SPRED3: variants seen among roughly 807,000 people sequenced by gnomAD.
SPRED3 encodes sprouty-related, EVH1 domain-containing protein 3.
A neutral mutation model predicts 37.6 loss-of-function variants in SPRED3; 23 were observed. The observed-to-expected ratio is 0.61, with a 90% confidence interval of 0.44 to 0.87. The LOEUF is 0.87. SPRED3 is among the 40% of genes least tolerant of loss of function. SPRED3 has a pLI of 0.00. For missense variants in SPRED3, 584 were observed against 618.6 expected, an observed-to-expected ratio of 0.94 and a Z score of 0.59; for synonymous variants, 302 against 279.6, an observed-to-expected ratio of 1.08 and a Z score of -0.80.
At position 38,392,044 on chromosome 19, in the gene SPRED3, G is replaced by T. The variant is rs370882193; in HGVS notation, c.276G>T (p.Thr92=). ...TGGGTGACTGCAAGTTTGGACTGAC[G>T]TTTCAGAGCCCTGCAGAGGCTGATG... is the stretch of plus-strand genomic sequence containing the variant. The part of the protein sequence containing the change: ...WSLGDCKFGL[T]FQSPAEADEF... Residue 92 remains threonine, a synonymous_variant, in exon 3 of 6, where the codon ACG becomes ACT. Transcript: ENST00000691638. The T allele has an allele frequency of 6.2e-7, 1 of 1,614,186 alleles. No individual in the cohort carries two copies.
rs1447214197 is a variant in SPRED3 at position 38,398,115 on chromosome 19, T to C, written c.*1970T>C. The C allele has an allele frequency of 6.6e-6, 1 of 152,194 alleles. No homozygotes were observed. Among genetic ancestry groups the C allele is most frequent in the African/African-American group, 2.4e-5 (1 of 41,446 alleles). The allele number at this position is 152,194 out of a possible 1,614,324, so 9.4% of individuals were successfully genotyped here. ...TTTCAGGCTAGTTATGGCTCTGCTG[T>C]CCCACAGCCCCCAGTCTTGCAGACC... is the stretch of plus-strand genomic sequence containing the variant. On this transcript the variant is annotated 3_prime_UTR_variant, in exon 6 of 6. Coordinates refer to ENST00000691638, the MANE Select transcript of SPRED3 (RefSeq NM_001394336.1).
In SPRED3 at chr19:38,388,729, G is replaced by A. The variant is rs1970780575; in HGVS notation, c.-83G>A. On this transcript the variant is annotated 5_prime_UTR_variant, in exon 1 of 6. Transcript: ENST00000691638. ...GGTGCCCGTCTCCAGCGCCGCCGGA[G>A]CCAGCCAGGGAGCCGGAACGAAAAG... 2 of 395,800 alleles carry A rather than the reference G, an allele frequency of 5.1e-6. No individual in the cohort carries two copies. Among genetic ancestry groups the A allele is most frequent in the Non-Finnish European group, 8.9e-6 (2 of 224,834 alleles). The allele number at this position is 395,800 out of a possible 1,614,324, so 24.5% of individuals were successfully genotyped here. A position where few individuals can be genotyped will look rare whatever the true frequency, so the allele number is the denominator to read the frequency against.
rs1326265736 is a variant in SPRED3 at position 38,391,971 on chromosome 19, C to T, written c.203C>T (p.Pro68Leu). ...QKTTLECTLKPGLVYNKVNPI... is the reference protein window; with the variant it reads ...QKTTLECTLKLGLVYNKVNPI... ...ACAACCTTGGAGTGTACACTGAAGC[C>T]AGGCTTGGTTTACAACAAGGTGAAT... Residue 68 changes from proline (P) to leucine (L), a missense_variant, in exon 3 of 6, where the codon CCA becomes CTA. This residue lies in a region of SPRED3 where 88 missense variants were observed against 77.0 expected (regional missense o/e 1.14). Coordinates refer to ENST00000691638, the MANE Select transcript of SPRED3 (RefSeq NM_001394336.1). 2 of 1,614,118 alleles carry T rather than the reference C, an allele frequency of 1.2e-6. No individual in the cohort carries two copies. The highest frequency in any genetic ancestry group is 2.2e-5 in the South Asian group (2 of 91,078).
Position 38,390,433 on chromosome 19 carries a change from G to T in SPRED3, c.131G>T (p.Arg44Leu), listed in dbSNP as rs760297394. The T allele has an allele frequency of 1.4e-5, 20 of 1,401,732 alleles. No individual in the cohort carries two copies. The highest frequency in any genetic ancestry group is 1.8e-5 in the Non-Finnish European group (19 of 1,074,906). 86.8% of individuals were successfully genotyped at this position (1,401,732 alleles called of 1,614,324 possible). A position where few individuals can be genotyped will look rare whatever the true frequency, so the allele number is the denominator to read the frequency against. The change falls in exon 2 of 6, where the codon CGC becomes CTC. Residue 44 changes from arginine to leucine, a missense_variant. Physicochemically the swap from Arg to Leu is moderately radical, Grantham distance 102. Transcript: ENST00000691638. ...VRGARPEGGA[R>L]QGHYVIHGER... Reference sequence around the variant, plus strand: ...GGGGCCAGGCCCGAGGGGGGGGCCCGCCAGGGGCACTACGTCATCCACGGG... The same window carrying T: ...GGGGCCAGGCCCGAGGGGGGGGCCCTCCAGGGGCACTACGTCATCCACGGG...
rs1970878441 is a variant in SPRED3 at position 38,395,064 on chromosome 19, G to C, written c.567+278G>C. On this transcript the variant is annotated intron_variant, in intron 5 of 5. Transcript: ENST00000691638. This position sits in a 1 kb window ranked among gnomAD's most constrained non-coding sequence, Gnocchi z 5.2. ...AGAGAGGTTTAGGACCATTTTCAGA[G>C]TGTATATTTGGGGAACTCCTGGAAG... Among the ~76,000 whole-genome samples, 1 of 152,182 alleles carries C rather than the reference G, an allele frequency of 6.6e-6. No individual in the cohort carries two copies. The highest frequency in any genetic ancestry group is 1.5e-5 in the Non-Finnish European group (1 of 68,040).
Position 38,395,517 on chromosome 19 carries a change from A to G in SPRED3, c.605A>G (p.Glu202Gly). The change falls in exon 6 of 6, where the codon GAA becomes GGA. Residue 202 changes from glutamate (E) to glycine (G), a missense_variant. By Grantham distance (98) the Glu-to-Gly change is moderately conservative. This residue lies in a region of SPRED3 where 310 missense variants were observed against 281.1 expected (regional missense o/e 1.10). Transcript: ENST00000691638. This position sits in a 1 kb window ranked among gnomAD's most constrained non-coding sequence, Gnocchi z 5.2. ...CTTCTACCGTTCACGGGGATTCCGG[A>G]ACCCTCAGAGCCCCTGGCAGGGGCA... ...PPLLPFTGIP[E>G]PSEPLAGAGG... 1.3e-6 allele frequency: 2 copies of G among 1,528,112 alleles called. No individual in the cohort carries two copies. Among genetic ancestry groups the G allele is most frequent in the Non-Finnish European group, 1.7e-6 (2 of 1,143,050 alleles). 94.7% of individuals were successfully genotyped at this position (1,528,112 alleles called of 1,614,324 possible). A position where few individuals can be genotyped will look rare whatever the true frequency, so the allele number is the denominator to read the frequency against.
intron 1 of SPRED3, 198 bp from the exon 2 acceptor site, chr19:38,390,101 T>C (rs537485836): frequency 9.6e-6 from 4 of 415,018 alleles, no homozygotes; most frequent in African/African-American, 8.3e-5. Context: ...AGAGAAGAGA[T>C]GGCATGAGGA....
Position 38,391,972 on chromosome 19 carries a change from A to C in SPRED3, c.204A>C (p.Pro68=), listed in dbSNP as rs762358721. The change falls in exon 3 of 6, where the codon CCA becomes CCC. Residue 68 remains proline, a synonymous_variant. Coordinates refer to ENST00000691638, the MANE Select transcript of SPRED3 (RefSeq NM_001394336.1). ...CAACCTTGGAGTGTACACTGAAGCC[A>C]GGCTTGGTTTACAACAAGGTGAATC... ...QKTTLECTLK[P]GLVYNKVNPI... is the part of the protein sequence containing the mutation. 57 of 1,614,032 alleles carry C rather than the reference A, an allele frequency of 3.5e-5. No individual in the cohort carries two copies. Among genetic ancestry groups the C allele is most frequent in the Middle Eastern group, 1.6e-4 (1 of 6,084 alleles).
At chr19:38,394,886 T>C in intron 5 of SPRED3, 100 bp downstream of exon 5, 1 of 1,393,690 alleles carries the variant, frequency 7.2e-7, no homozygotes. Context: ...GAACACAGAT[T>C]CCAGGGGATG....
At chr19:38,393,095 A>G (rs1600515775) in intron 4 of SPRED3, among the ~76,000 whole-genome samples, 1 of 151,892 alleles carries the variant, frequency 6.6e-6, no homozygotes, top group Admixed American at 6.6e-5. Context: ...CGTGGCAGGC[A>G]CAGCCCTGCC....
chr19:38,395,708 G>A lies in SPRED3; in HGVS notation c.796G>A (p.Ala266Thr). 4 of 1,457,264 alleles carry A rather than the reference G, an allele frequency of 2.7e-6. No individual in the cohort carries two copies. The highest frequency in any genetic ancestry group is 1.8e-6 in the Non-Finnish European group (2 of 1,115,490). 90.3% of individuals were successfully genotyped at this position (1,457,264 alleles called of 1,614,324 possible). ...AALPAPLTEA[A>T]PPAPPARPPP... ...ACTACCTGCCCCTTTGACCGAGGCT[G>A]CGCCCCCAGCGCCCCCCGCTCGCCC... is the stretch of plus-strand genomic sequence containing the variant. Residue 266 changes from alanine (A) to threonine (T), a missense_variant, in exon 6 of 6, where the codon GCG (alanine) becomes ACG (threonine). Ala to Thr is a moderately conservative substitution (Grantham distance 58). Transcript: ENST00000691638. This position sits in a 1 kb window ranked among gnomAD's most constrained non-coding sequence, Gnocchi z 5.2.
At chr19:38,388,908 C>T (rs1970784694) in intron 1 of SPRED3, 101 bp downstream of exon 1, 1 of 394,534 alleles carries the variant, frequency 2.5e-6, no homozygotes, top group Non-Finnish European at 4.5e-6. Flanking sequence ...CCCAGGCGCC[C>T]CCAAGGCCCC....
In SPRED3 at chr19:38,398,236, T is replaced by TTATTTATTTATC. The variant is rs1471236939; in HGVS notation, c.*2102_*2103insCTATTTATTTAT. ...ACCCCTTCTCTTCCTATTTATTTAT[T>TTATTTATTTATC]TATTTATTTATTTATTTTGAGACAG... On this transcript the variant is annotated 3_prime_UTR_variant, in exon 6 of 6. Transcript: ENST00000691638. The TTATTTATTTATC allele has an allele frequency of 6.6e-6, 1 of 152,124 alleles. No individual in the cohort carries two copies. The highest frequency in any genetic ancestry group is 1.5e-5 in the Non-Finnish European group (1 of 68,092). The allele number at this position is 152,124 out of a possible 1,614,324, so 9.4% of individuals were successfully genotyped here.
At chr19:38,394,262 G>T (rs1203201515) in intron 4 of SPRED3, 30 of 1,382,614 alleles carry the variant, frequency 2.2e-5, no homozygotes, top group Non-Finnish European at 2.8e-5. Flanking sequence ...AGGGGAGAGG[G>T]ATTCTGAGAA....
intron 4 of SPRED3, among the ~76,000 whole-genome samples, chr19:38,394,127 A>G (rs1033400883): frequency 3.3e-5 from 5 of 152,222 alleles, no homozygotes; most frequent in African/African-American, 1.2e-4. Flanking sequence ...AGGGTCTGAG[A>G]AGTCGTTTCA....
chr19:38,390,442 A>G lies in SPRED3; in HGVS notation c.140A>G (p.His47Arg). ...ARPEGGARQG[H>R]YVIHGERLRD... ...CCCGAGGGGGGGGCCCGCCAGGGGCACTACGTCATCCACGGGGAACGCCTC... is the reference window on the plus strand; with the variant it reads ...CCCGAGGGGGGGGCCCGCCAGGGGCGCTACGTCATCCACGGGGAACGCCTC... Residue 47 changes from histidine (H) to arginine (R), a missense_variant, in exon 2 of 6, where the codon CAC becomes CGC. By Grantham distance (29) the His-to-Arg change is conservative. Coordinates refer to ENST00000691638, the MANE Select transcript of SPRED3 (RefSeq NM_001394336.1). 1 of 1,405,828 alleles carries G rather than the reference A, an allele frequency of 7.1e-7. No individual in the cohort carries two copies. Among genetic ancestry groups the G allele is most frequent in the Middle Eastern group, 2.0e-4 (1 of 5,084 alleles). 87.1% of individuals were successfully genotyped at this position (1,405,828 alleles called of 1,614,324 possible).
Position 38,390,489 on chromosome 19 carries a change from C to A in SPRED3, c.177+10C>A. The stretch of plus-strand genomic sequence containing the variant: ...CCTCCGGGACCAGAAAGTGAGCCAC[C>A]CTGGGGCATGCGGGGAGGGTAGGGA... On this transcript the variant is annotated intron_variant, in intron 2 of 5. Coordinates refer to ENST00000691638, the MANE Select transcript of SPRED3 (RefSeq NM_001394336.1). 7.4e-7 allele frequency: 1 copy of A among 1,348,046 alleles called. No homozygotes were observed. The highest frequency in any genetic ancestry group is 9.6e-7 in the Non-Finnish European group (1 of 1,044,824). The allele number at this position is 1,348,046 out of a possible 1,614,324, so 83.5% of individuals were successfully genotyped here.
chr19:38,396,137 G>A lies in SPRED3; in HGVS notation c.1225G>A (p.Ala409Thr). The A allele has an allele frequency of 7.8e-7, 1 of 1,276,116 alleles. No individual in the cohort carries two copies. Among genetic ancestry groups the A allele is most frequent in the Non-Finnish European group, 9.9e-7 (1 of 1,014,396 alleles). 79.0% of individuals were successfully genotyped at this position (1,276,116 alleles called of 1,614,324 possible). A position where few individuals can be genotyped will look rare whatever the true frequency, so the allele number is the denominator to read the frequency against. Reference sequence around the variant, plus strand: ...CTGCGGGGGTCGCCACGAGGAGGCTGCGCGGTGAGGACGGCCTGGTGGGTC... The same window carrying A: ...CTGCGGGGGTCGCCACGAGGAGGCTACGCGGTGAGGACGGCCTGGTGGGTC... Reference protein sequence around the residue: ...AGCGGRHEEAAR With the variant: ...AGCGGRHEEATR The change falls in exon 6 of 6, where the codon GCG (alanine) becomes ACG (threonine). Residue 409 changes from alanine to threonine, a missense_variant. This residue lies in a region of SPRED3 where 85 missense variants were observed against 117.8 expected (regional missense o/e 0.72). Transcript: ENST00000691638.
rs576654940 is a variant in SPRED3 at position 38,393,847 on chromosome 19, C to T, written c.424-796C>T. Among the ~76,000 whole-genome samples the T allele has an allele frequency of 1.2e-3, 178 of 152,232 alleles. 1 individual carries two copies. Among genetic ancestry groups the T allele is most frequent in the African/African-American group, 4.3e-3 (177 of 41,524 alleles). Reference sequence around the variant, plus strand: ...ACTTGCTGGAAACCTTGGGAGTTGCCTAAAACACCTGGAGGAACAAAACTG... The same window carrying T: ...ACTTGCTGGAAACCTTGGGAGTTGCTTAAAACACCTGGAGGAACAAAACTG... On this transcript the variant is annotated intron_variant, in intron 4 of 5. Coordinates refer to ENST00000691638, the MANE Select transcript of SPRED3 (RefSeq NM_001394336.1).
Sources: allele counts gnomAD v4.1 joint callset (sites outside exome capture counted in the v4.1 genomes callset), GRCh38; gene constraint gnomAD v4.1.1; regional missense constraint gnomAD v4.1.1; non-coding constraint Gnocchi (gnomAD v3.1); transcripts MANE v1.5; gene names NCBI Gene and HGNC (gene_info 2026-07-23, HGNC 2026-07-21).